SH3RF2: variants seen among roughly 807,000 people sequenced by gnomAD.
SH3RF2 encodes the protein SH3 domain containing ring finger 2, also known as E3 ubiquitin-protein ligase SH3RF2.
Under a neutral mutation model 59.0 loss-of-function variants are expected in SH3RF2, and 43 were observed. The observed-to-expected ratio is 0.73, with a 90% confidence interval of 0.57 to 0.94. The LOEUF is 0.94. Among genes scored for constraint, SH3RF2 ranks in the 40% least tolerant of loss-of-function variants. The pLI is 0.00. For missense variants in SH3RF2, 930 were observed against 940.1 expected, an observed-to-expected ratio of 0.99 and a Z score of 0.14; for synonymous variants, 391 against 391.5, an observed-to-expected ratio of 1.00 and a Z score of 0.01.
At chr5:145,993,919 C>T (rs762995266) in intron 2 of SH3RF2, among the ~76,000 whole-genome samples, 23 of 152,210 alleles carry the variant, frequency 1.5e-4, no homozygotes, top group Admixed American at 5.9e-4. Context: ...ATGGGATTTT[C>T]TTTTCTATCA....
intron 1 of SH3RF2, 110 bp from the exon 2 acceptor site, chr5:145,937,713 C>T (rs1218586808): frequency 8.7e-6 from 5 of 572,214 alleles, no homozygotes; most frequent in Admixed American, 6.3e-5. Flanking sequence ...ACTTGGGTGC[C>T]GGAACAAAGT....
At chr5:145,970,719 C>G (rs1260318306) in intron 2 of SH3RF2, among the ~76,000 whole-genome samples, 1 of 151,932 alleles carries the variant, frequency 6.6e-6, no homozygotes, top group African/African-American at 2.4e-5. Context: ...TATAGCAGCA[C>G]AAAATAGACT....
chr5:146,066,320 G>A (rs144194358), downstream of SH3RF2, among the ~76,000 whole-genome samples: 81 of 152,304 alleles, frequency 5.3e-4, no homozygotes, highest in South Asian at 1.5e-3. Context: ...CCACTTTCTG[G>A]CCATGGGATG....
intron 2 of SH3RF2, among the ~76,000 whole-genome samples, chr5:145,965,878 G>A (rs1758838774): frequency 6.6e-6 from 1 of 152,140 alleles, no homozygotes; most frequent in Non-Finnish European, 1.5e-5. Flanking sequence ...ACCTATTTGA[G>A]GAAAGAGACT....
intron 2 of SH3RF2, among the ~76,000 whole-genome samples, chr5:145,983,061 C>T (rs1359800272): frequency 1.3e-5 from 2 of 152,144 alleles, no homozygotes; most frequent in African/African-American, 2.4e-5. Context: ...TAGCCAGAAG[C>T]AGTCTTTCAC....
In SH3RF2 at chr5:145,993,493, A is replaced by G. The variant is rs930144586; in HGVS notation, c.379-6565A>G. Among the ~76,000 whole-genome samples, 11 of 152,230 alleles carry G rather than the reference A, an allele frequency of 7.2e-5. 1 individual carries two copies. The highest frequency in any genetic ancestry group is 3.3e-4 in the Admixed American group (5 of 15,288). ...GCAGCAAAATTCTGCCTGGACATCC[A>G]GGTGTTTCCATACATCTTCTGAAAT... On this transcript the variant is annotated intron_variant, in intron 2 of 9. Transcript: ENST00000359120.
chr5:145,946,378 T>A (rs2149942534), intron 2 of SH3RF2, among the ~76,000 whole-genome samples: 1 of 152,268 alleles, frequency 6.6e-6, no homozygotes, highest in South Asian at 2.1e-4. Flanking sequence ...TTGGCCCATA[T>A]TAGGAATTTT....
At chr5:145,961,564 T>A (rs1758633888) in intron 2 of SH3RF2, among the ~76,000 whole-genome samples, 1 of 152,230 alleles carries the variant, frequency 6.6e-6, no homozygotes, top group Non-Finnish European at 1.5e-5. Context: ...GTTAAAAGGA[T>A]TGATCTGAAA....
At chr5:145,941,063 G>T (rs17104056) in intron 2 of SH3RF2, among the ~76,000 whole-genome samples, 11,055 of 152,144 alleles carry the variant, frequency 0.073, 1,337 homozygotes, top group African/African-American at 0.25. Context: ...CACTCAGAGA[G>T]CATAAATAAC....
chr5:146,015,154 A>G (rs1761055155), intron 5 of SH3RF2, among the ~76,000 whole-genome samples: 2 of 152,116 alleles, frequency 1.3e-5, no homozygotes, highest in Non-Finnish European at 2.9e-5. Context: ...TAACAAGACA[A>G]GGAGGAAAGA....
At chr5:146,010,429 T>A (rs188831990) in intron 4 of SH3RF2, among the ~76,000 whole-genome samples, 5,340 of 152,296 alleles carry the variant, frequency 0.035, 117 homozygotes, top group Non-Finnish European at 0.049. Context: ...GTATTTCTAG[T>A]TCTAGATCCT....
At chr5:146,016,393 TGG>T (rs1189521529) in intron 5 of SH3RF2, among the ~76,000 whole-genome samples, 16 of 151,754 alleles carry the variant, frequency 1.1e-4, no homozygotes, top group African/African-American at 7.3e-5. Context: ...GATGGATGGA[TGG>T]ATGGATGGAT....
At chr5:146,035,459 G>A (rs1341409324) in intron 5 of SH3RF2, among the ~76,000 whole-genome samples, 1 of 151,804 alleles carries the variant, frequency 6.6e-6, no homozygotes, top group Non-Finnish European at 1.5e-5. Context: ...TAGGAAAAAA[G>A]CGTCCCTAAA....
intron 5 of SH3RF2, among the ~76,000 whole-genome samples, chr5:146,031,628 G>A (rs925100861): frequency 2.0e-5 from 3 of 152,208 alleles, no homozygotes; most frequent in African/African-American, 7.2e-5. Context: ...GGTATAAGGG[G>A]CAGCAATGCC....
rs775147216 is a variant in SH3RF2 at position 146,060,164 on chromosome 5, C to T, written c.1854C>T (p.Pro618=). Residue 618 remains proline (P), a synonymous_variant, in exon 9 of 10, where the codon CCC becomes CCT. Coordinates refer to ENST00000359120, the MANE Select transcript of SH3RF2 (RefSeq NM_152550.4). ...PIKSEPLPKP[P]ASAPPSILVK... ...AGAGTGAGCCTCTGCCAAAACCGCC[C>T]GCATCTGCCCCACCATCCATCCTGG... The T allele has an allele frequency of 1.9e-5, 30 of 1,613,888 alleles. No homozygotes were observed. The highest frequency in any genetic ancestry group is 1.7e-4 in the African/African-American group (13 of 74,920).
chr5:146,000,992 A>G (rs924351268), intron 3 of SH3RF2, among the ~76,000 whole-genome samples: 1 of 152,240 alleles, frequency 6.6e-6, no homozygotes, highest in Non-Finnish European at 1.5e-5. Context: ...ACTCATTTAC[A>G]TTCTATCTTG....
chr5:145,996,610 G>A (rs1760163754), intron 2 of SH3RF2, among the ~76,000 whole-genome samples: 1 of 152,086 alleles, frequency 6.6e-6, no homozygotes. Flanking sequence ...TTTTATAAAT[G>A]AATACAGTTT....
intron 5 of SH3RF2, among the ~76,000 whole-genome samples, chr5:146,017,994 G>A (rs1761170271): frequency 6.6e-6 from 1 of 152,156 alleles, no homozygotes; most frequent in African/African-American, 2.4e-5. Flanking sequence ...ACATATGACT[G>A]TCCTCAAAAC....
At chr5:145,951,343 T>C (rs904512184) in intron 2 of SH3RF2, among the ~76,000 whole-genome samples, 6 of 152,146 alleles carry the variant, frequency 3.9e-5, no homozygotes, top group African/African-American at 1.2e-4. Flanking sequence ...ATGCAAGGAG[T>C]ATGCATAGCA....
Sources: gnomAD v4.1 joint callset for allele counts (sites outside exome capture counted in the v4.1 genomes callset) on GRCh38, gnomAD v4.1.1 for gene constraint, MANE v1.5 for transcripts, NCBI Gene and HGNC (gene_info 2026-07-23, HGNC 2026-07-21) for gene names.